Variants in ATRX observed in about 807,000 individuals in gnomAD.
ATRX encodes the protein chromatin remodeler ATRX.
Under a neutral mutation model 172.6 loss-of-function variants are expected in ATRX, and 12 were observed. The ratio of observed to expected loss-of-function variants is 0.07; its 90% CI spans 0.04 to 0.11. ATRX has a LOEUF of 0.11. Among genes scored for constraint, ATRX ranks in the 10% least tolerant of loss-of-function variants. ATRX has a pLI of 1.00. For missense variants in ATRX, 1,368 were observed against 1,767.4 expected, an observed-to-expected ratio of 0.77 and a Z score of 4.05; for synonymous variants, 674 against 594.7, an observed-to-expected ratio of 1.13 and a Z score of -1.94.
chrX:77,726,551 A>C (rs2074049301), intron 1 of ATRX, among the ~76,000 whole-genome samples: 1 of 110,335 alleles, frequency 9.1e-6, no homozygotes, highest in African/African-American at 3.3e-5. Context: ...GCAGCACACC[A>C]ACATGGCACA....
chrX:77,738,198 G>C (rs2074684444), intron 1 of ATRX, among the ~76,000 whole-genome samples: 1 of 107,902 alleles, frequency 9.3e-6, no homozygotes, highest in South Asian at 4.1e-4. Flanking sequence ...AGCCGGCTGT[G>C]GTGGCACGTG....
intron 11 of ATRX, among the ~76,000 whole-genome samples, chrX:77,664,101 C>CA (rs782623295): frequency 0.013 from 814 of 64,088 alleles, 3 homozygotes; most frequent in Non-Finnish European, 0.016. Flanking sequence ...AACTCTGTCT[C>CA]AAAAAAAAAA....
chrX:77,678,465 C>A lies in ATRX; in HGVS notation c.3737-2167G>T, dbSNP rs980494264. On this transcript the variant is annotated intron_variant, in intron 9 of 34. Transcript: ENST00000373344. Reference sequence around the variant, plus strand: ...AGTTCACTTGCCATTTATTGTGTAGCCCCATTATAGTTTGTTGTGTTTGTT... The same window carrying A: ...AGTTCACTTGCCATTTATTGTGTAGACCCATTATAGTTTGTTGTGTTTGTT... 4.5e-5 allele frequency among the ~76,000 whole-genome samples: 5 copies of A among 112,014 alleles called. No individual in the cohort carries two copies. In the South Asian group the frequency reaches 1.8e-3, roughly 41 times the overall value.
intron 17 of ATRX, among the ~76,000 whole-genome samples, chrX:77,634,240 A>AAAT (rs2068244220): frequency 9.5e-6 from 1 of 105,784 alleles, no homozygotes; most frequent in African/African-American, 3.4e-5. Flanking sequence ...TGTAAAAAAA[A>AAAT]AAAAAAAAAA....
At chrX:77,524,221 C>T (rs1346625718) in intron 30 of ATRX, among the ~76,000 whole-genome samples, 1 of 111,675 alleles carries the variant, frequency 9.0e-6, no homozygotes, top group African/African-American at 3.2e-5. Context: ...AAAATATTCA[C>T]AAGTTGTTCA....
chrX:77,748,295 G>C (rs1475163897), intron 1 of ATRX, among the ~76,000 whole-genome samples: 2 of 111,574 alleles, frequency 1.8e-5, no homozygotes, highest in Non-Finnish European at 3.8e-5. Flanking sequence ...TGGTATAAAG[G>C]GGAATGATTA....
At chrX:77,510,020 G>A (rs2062819278) in intron 34 of ATRX, among the ~76,000 whole-genome samples, 1 of 110,469 alleles carries the variant, frequency 9.1e-6, no homozygotes, top group Non-Finnish European at 1.9e-5. Context: ...CTCCAGGAGA[G>A]ACTCTTTCCT....
At chrX:77,672,098 CTAGA>C (rs2148527362) in intron 10 of ATRX, among the ~76,000 whole-genome samples, 1 of 110,728 alleles carries the variant, frequency 9.0e-6, no homozygotes, top group Admixed American at 9.6e-5. Flanking sequence ...CGTAAAATTG[CTAGA>C]TATTTAAAAC....
At chrX:77,633,421 C>A (rs1557106538) in intron 18 of ATRX, 37 bp from the exon 19 acceptor site, 1 of 1,177,122 alleles carries the variant, frequency 8.5e-7, no homozygotes, top group South Asian at 1.9e-5. Context: ...TAAGTAGCTA[C>A]TAAAAACATG....
intron 10 of ATRX, among the ~76,000 whole-genome samples, chrX:77,670,367 T>A (rs1036975225): frequency 1.1e-4 from 12 of 112,190 alleles, no homozygotes; most frequent in Non-Finnish European, 1.9e-5. Flanking sequence ...ATAAAATAAT[T>A]CAAAGGAGTA....
rs1355822466 is a variant in ATRX at position 77,786,077 on chromosome X, A to G, written c.-76T>C. The G allele has an allele frequency of 5.5e-6, 6 of 1,093,669 alleles. No homozygotes were observed. The highest frequency in any genetic ancestry group is 1.9e-5 in the African/African-American group (1 of 53,921). The allele number at this position is 1,093,669 out of a possible 1,213,427, so 90.1% of individuals were successfully genotyped here. The stretch of plus-strand genomic sequence containing the variant: ...GCGCTCCCCCGCGCCCGGTTACGAT[A>G]GAAATGCACTGGAGTCTTAGTCGTC... On this transcript the variant is annotated 5_prime_UTR_variant, in exon 1 of 35. Transcript: ENST00000373344.
intron 1 of ATRX, 42 bp downstream of exon 1, chrX:77,785,940 G>A (rs1353497969): frequency 8.5e-7 from 1 of 1,175,796 alleles, no homozygotes; most frequent in South Asian, 1.9e-5. Context: ...ACGGTGCCTG[G>A]GCCCAGACCG....
intron 19 of ATRX, among the ~76,000 whole-genome samples, chrX:77,627,000 C>A (rs2067887619): frequency 9.0e-6 from 1 of 110,784 alleles, no homozygotes; most frequent in Non-Finnish European, 1.9e-5. Flanking sequence ...CCAAGACGGG[C>A]GGATCACGAG....
chrX:77,756,754 G>A (rs1237678672), intron 1 of ATRX, among the ~76,000 whole-genome samples: 1 of 110,097 alleles, frequency 9.1e-6, no homozygotes, highest in Non-Finnish European at 1.9e-5. Context: ...GGTCTCACTG[G>A]GAGCTGCAGA....
At chrX:77,670,825 T>C (rs1283603088) in intron 10 of ATRX, among the ~76,000 whole-genome samples, 1 of 106,437 alleles carries the variant, frequency 9.4e-6, no homozygotes. Flanking sequence ...CAACTCAGGT[T>C]CAAAATTAGT....
At chrX:77,566,729 G>C (rs781881781) in intron 28 of ATRX, among the ~76,000 whole-genome samples, 62 of 111,159 alleles carry the variant, frequency 5.6e-4, no homozygotes, top group African/African-American at 2.0e-3. Context: ...TGCCAGCCTG[G>C]GTGACAGAGC....
At chrX:77,741,543 C>T (rs1053299599) in intron 1 of ATRX, among the ~76,000 whole-genome samples, 4 of 111,179 alleles carry the variant, frequency 3.6e-5, no homozygotes, top group Non-Finnish European at 7.5e-5. Context: ...CTCACTACAA[C>T]CTCCACCTCC....
At chrX:77,664,422 G>A (rs1057073437) in intron 11 of ATRX, among the ~76,000 whole-genome samples, 5 of 110,338 alleles carry the variant, frequency 4.5e-5, no homozygotes, top group Non-Finnish European at 9.5e-5. Context: ...ATCACGCCCA[G>A]CTACTTTTAG....
At position 77,717,123 on chromosome X, in the gene ATRX, CA is replaced by C; in HGVS notation, c.133+7del. The C allele has an allele frequency of 8.4e-7, 1 of 1,187,829 alleles. No homozygotes were observed. The highest frequency in any genetic ancestry group is 1.1e-6 in the Non-Finnish European group (1 of 875,410). ...CTAGAAGGTATAGCACATTCTTTTT[CA>C]ATTTACCTGTGTTTTGATTCATTGC... On this transcript the variant is annotated splice_region_variant and intron_variant, in intron 2 of 34. Coordinates refer to ENST00000373344, the MANE Select transcript of ATRX (RefSeq NM_000489.6).
Sources: allele counts gnomAD v4.1 joint callset (sites outside exome capture counted in the v4.1 genomes callset), GRCh38; gene constraint gnomAD v4.1.1; transcripts MANE v1.5; gene names NCBI Gene and HGNC (gene_info 2026-07-23, HGNC 2026-07-21).